The following EXOC6 variants were observed in gnomAD, a reference collection of about 807,000 sequenced individuals.
EXOC6 encodes SEC15-like 1.
A neutral mutation model predicts 112.5 loss-of-function variants in EXOC6; 60 were observed. That is an observed-to-expected ratio of 0.53 (90% CI 0.43 to 0.66). The LOEUF is 0.66. Ranked by LOEUF, EXOC6 falls within the 30% of genes least tolerant of loss-of-function variation. The probability of loss-of-function intolerance (pLI) is 0.00; values close to 1 mark genes in which losing one functional copy is unlikely to be tolerated. For missense variants in EXOC6, 855 were observed against 957.1 expected (o/e 0.89, Z 1.41); for synonymous variants, 295 against 308.0 (o/e 0.96, Z 0.44).
At chr10:92,828,063 C>T (rs918514840) in intron 1 of EXOC6, among the ~76,000 whole-genome samples, 1 of 152,150 alleles carries the variant, frequency 6.6e-6, no homozygotes, top group Non-Finnish European at 1.5e-5. Flanking sequence ...TGCTAGTATA[C>T]AGATGAGCAT....
upstream of EXOC6, among the ~76,000 whole-genome samples, chr10:92,845,610 T>C (rs1438234095): frequency 1.3e-5 from 2 of 151,496 alleles, no homozygotes; most frequent in Non-Finnish European, 1.5e-5. Flanking sequence ...CCACCCCACA[T>C]TGACATATTT....
At chr10:92,981,788 G>A (rs191196117) in intron 18 of EXOC6, among the ~76,000 whole-genome samples, 178 of 152,142 alleles carry the variant, frequency 1.2e-3, no homozygotes, top group African/African-American at 4.0e-3. Context: ...TTGATTTTCT[G>A]CATTAATGGA....
chr10:92,839,052 G>A (rs1447143084), intron 1 of EXOC6, among the ~76,000 whole-genome samples: 7 of 151,624 alleles, frequency 4.6e-5, no homozygotes, highest in Admixed American at 2.0e-4. Context: ...TGGCCCGGGC[G>A]ACAGAGTGAG....
chr10:92,868,100 T>C (rs553302667), intron 1 of EXOC6, among the ~76,000 whole-genome samples: 49 of 152,308 alleles, frequency 3.2e-4, no homozygotes, highest in African/African-American at 1.2e-3. Flanking sequence ...AATTTATCAG[T>C]CTTTCCCTTT....
intron 14 of EXOC6, among the ~76,000 whole-genome samples, chr10:92,949,674 C>A (rs535609357): frequency 3.3e-5 from 5 of 151,308 alleles, no homozygotes; most frequent in Admixed American, 6.6e-5. Flanking sequence ...CTTACTGCAA[C>A]CTCTGCCTCC....
chr10:92,937,623 T>C (rs1852420858), intron 12 of EXOC6, among the ~76,000 whole-genome samples: 1 of 152,126 alleles, frequency 6.6e-6, no homozygotes, highest in East Asian at 1.9e-4. Flanking sequence ...AGGTGGGATT[T>C]TTTGTTGTTG....
chr10:92,941,423 T>G (rs189822541), intron 13 of EXOC6, among the ~76,000 whole-genome samples: 1 of 152,352 alleles, frequency 6.6e-6, no homozygotes, highest in African/African-American at 2.4e-5. Context: ...GAGTCTCTGC[T>G]TTCAAATCTT....
chr10:93,016,525 T>C (rs574812988), intron 20 of EXOC6, among the ~76,000 whole-genome samples: 3 of 152,308 alleles, frequency 2.0e-5, no homozygotes, highest in South Asian at 4.1e-4. Flanking sequence ...AATTGTCTTT[T>C]TGAACTCAAA....
intron 20 of EXOC6, among the ~76,000 whole-genome samples, chr10:93,041,623 A>G (rs1224761497): frequency 6.6e-6 from 1 of 152,060 alleles, no homozygotes; most frequent in African/African-American, 2.4e-5. Context: ...CACATCGGCC[A>G]GGTTGGTTTC....
At chr10:93,021,421 A>G (rs990950697) in intron 20 of EXOC6, among the ~76,000 whole-genome samples, 9 of 152,218 alleles carry the variant, frequency 5.9e-5, no homozygotes, top group African/African-American at 2.2e-4. Flanking sequence ...ATAAATGTAT[A>G]TGGCATTTCT....
At chr10:92,948,576 T>TACC (rs1266603510) in intron 14 of EXOC6, among the ~76,000 whole-genome samples, 197 bp downstream of exon 14, 2 of 137,634 alleles carry the variant, frequency 1.5e-5, no homozygotes, top group Non-Finnish European at 3.0e-5. Flanking sequence ...CTACTACCAC[T>TACC]ACTACTACTA....
intron 1 of EXOC6, among the ~76,000 whole-genome samples, chr10:92,874,250 GTGT>G (rs1460934460): frequency 1.3e-5 from 2 of 152,000 alleles, no homozygotes; most frequent in Admixed American, 1.3e-4. Context: ...AATATTGTTG[GTGT>G]TGTGAAAAAA....
chr10:92,997,510 C>A lies in EXOC6; in HGVS notation c.1990C>A (p.Gln664Lys). ...VAQTACMSAC[Q>K]HLSTSLMQML... ...TCAGACAGCTTGCATGTCAGCCTGCCAGCATCTGTCAACATCCTTAATGCA... is the reference window on the plus strand; with the variant it reads ...TCAGACAGCTTGCATGTCAGCCTGCAAGCATCTGTCAACATCCTTAATGCA... Residue 664 changes from glutamine (Q) to lysine (K), a missense_variant, in exon 19 of 22, where the codon CAG becomes AAG. Physicochemically the swap from Gln to Lys is moderately conservative, Grantham distance 53 (BLOSUM62 1). Coordinates refer to ENST00000260762, the MANE Select transcript of EXOC6 (RefSeq NM_019053.6). 1 of 1,611,050 alleles carries A rather than the reference C, an allele frequency of 6.2e-7. No individual in the cohort carries two copies. Among genetic ancestry groups the A allele is most frequent in the Non-Finnish European group, 8.5e-7 (1 of 1,178,172 alleles).
At chr10:92,991,384 C>T (rs947782044) in intron 18 of EXOC6, among the ~76,000 whole-genome samples, 11 of 144,254 alleles carry the variant, frequency 7.6e-5, no homozygotes, top group Non-Finnish European at 1.0e-4. Flanking sequence ...TGCAGTGAGC[C>T]GAAATGGTGC....
chr10:92,834,723 A>G, exon 1 of EXOC6: 2 of 1,596,118 alleles, frequency 1.3e-6, no homozygotes, highest in South Asian at 1.1e-5. Context: ...CTGGAAAATT[A>G]GGGGCCTGTC....
intron 13 of EXOC6, among the ~76,000 whole-genome samples, chr10:92,943,727 G>T (rs530539238): frequency 5.3e-5 from 8 of 150,366 alleles, no homozygotes; most frequent in African/African-American, 2.0e-4. Context: ...TTTTTTAGTG[G>T]TGCAAACATT....
At chr10:92,949,586 G>A (rs1020171732) in intron 14 of EXOC6, among the ~76,000 whole-genome samples, 3 of 146,564 alleles carry the variant, frequency 2.0e-5, no homozygotes, top group African/African-American at 7.5e-5. Flanking sequence ...TGCTAGCTCT[G>A]CTTGTGGCTT....
intron 17 of EXOC6, among the ~76,000 whole-genome samples, chr10:92,960,717 C>CTT (rs764317534): frequency 6.6e-6 from 1 of 151,878 alleles, no homozygotes; most frequent in Non-Finnish European, 1.5e-5. Context: ...TCAGTACTGA[C>CTT]TTTTAACGGC....
intron 1 of EXOC6, among the ~76,000 whole-genome samples, chr10:92,874,933 T>C (rs1309194948): frequency 6.6e-6 from 1 of 152,034 alleles, no homozygotes; most frequent in African/African-American, 2.4e-5. Context: ...TTCCTGAGAG[T>C]GTATCAGATT....
Sources: allele counts gnomAD v4.1 joint callset (sites outside exome capture counted in the v4.1 genomes callset), GRCh38; gene constraint gnomAD v4.1.1; transcripts MANE v1.5; gene names NCBI Gene and HGNC (gene_info 2026-07-23, HGNC 2026-07-21).